The following DNM3 variants were observed in gnomAD, a reference collection of about 807,000 sequenced individuals.
The protein encoded by DNM3 is dynamin 3.
DNM3 carries 47 observed loss-of-function variants against 101.6 expected under a neutral mutation model. The ratio of observed to expected loss-of-function variants is 0.46; its 90% confidence interval spans 0.37 to 0.59. The LOEUF is 0.59. Ranked by LOEUF, DNM3 falls within the 20% of genes least tolerant of loss-of-function variation. The pLI is 0.00. For synonymous variants in DNM3, 385 were observed against 387.9 expected, an observed-to-expected ratio of 0.99 and a Z score of 0.09; for missense variants, 849 against 1,085.7, an observed-to-expected ratio of 0.78 and a Z score of 3.06.
chr1:172,152,807 T>C (rs1366427396), intron 14 of DNM3, among the ~76,000 whole-genome samples: 1 of 152,146 alleles, frequency 6.6e-6, no homozygotes, highest in Non-Finnish European at 1.5e-5. Flanking sequence ...GGACAGAAAC[T>C]GTTTAGAAGG....
At chr1:171,893,032 A>G (rs2037437708) in intron 1 of DNM3, among the ~76,000 whole-genome samples, 1 of 152,086 alleles carries the variant, frequency 6.6e-6, no homozygotes. Context: ...ACTAGAGTAC[A>G]GTGGTTATGT....
At chr1:171,872,491 T>C (rs990538623) in intron 1 of DNM3, among the ~76,000 whole-genome samples, 3 of 152,202 alleles carry the variant, frequency 2.0e-5, no homozygotes, top group Non-Finnish European at 2.9e-5. Flanking sequence ...TTCAAAATAA[T>C]GTACGTAGGA....
intron 15 of DNM3, among the ~76,000 whole-genome samples, chr1:172,289,186 A>G (rs1405606913): frequency 6.6e-6 from 1 of 152,140 alleles, no homozygotes; most frequent in Non-Finnish European, 1.5e-5. Flanking sequence ...TTAGACTATT[A>G]TAATTTCTGA....
intron 13 of DNM3, among the ~76,000 whole-genome samples, chr1:172,117,102 G>A (rs2055958832): frequency 6.6e-6 from 1 of 151,986 alleles, no homozygotes; most frequent in African/African-American, 2.4e-5. Flanking sequence ...CTACTTGGGA[G>A]GCTGAGACAG....
At chr1:171,843,686 C>T (rs2031627655) in intron 1 of DNM3, among the ~76,000 whole-genome samples, 1 of 152,086 alleles carries the variant, frequency 6.6e-6, no homozygotes, top group African/African-American at 2.4e-5. Context: ...TACCACAATT[C>T]TACATTCTAG....
intron 10 of DNM3, among the ~76,000 whole-genome samples, chr1:172,057,325 AT>A (rs1487272835): frequency 6.6e-6 from 1 of 152,198 alleles, no homozygotes; most frequent in Non-Finnish European, 1.5e-5. Flanking sequence ...CAACGCTCAG[AT>A]TCAGGAAATA....
chr1:171,883,124 G>T (rs548544058), intron 1 of DNM3, among the ~76,000 whole-genome samples: 1 of 151,472 alleles, frequency 6.6e-6, no homozygotes, highest in Non-Finnish European at 1.5e-5. Flanking sequence ...ATATTTTCCT[G>T]GCTCCCTAAT....
In DNM3 at chr1:171,921,754, T is replaced by C. The variant is rs2040188539; in HGVS notation, c.168T>C (p.Phe56=). Residue 56 remains phenylalanine, a synonymous_variant, in exon 2 of 21, where the codon TTT becomes TTC. Transcript: ENST00000627582. ...SVLENFVGRD[F]LPRGSGIVTR... ...TATTTCTTACTTTTTTTAGGGACTT[T>C]CTCCCTCGAGGGTCGGGCATTGTAA... 6.3e-7 allele frequency: 1 copy of C among 1,588,948 alleles called. No individual in the cohort carries two copies. The highest frequency in any genetic ancestry group is 1.3e-5 in the African/African-American group (1 of 74,654).
At chr1:172,185,876 G>C (rs1182264114) in intron 14 of DNM3, among the ~76,000 whole-genome samples, 1 of 151,980 alleles carries the variant, frequency 6.6e-6, no homozygotes, top group Non-Finnish European at 1.5e-5. Flanking sequence ...GCCACATTTT[G>C]ACTTTTTTGT....
At chr1:171,876,088 C>T (rs1051758754) in intron 1 of DNM3, among the ~76,000 whole-genome samples, 2 of 152,024 alleles carry the variant, frequency 1.3e-5, no homozygotes, top group Non-Finnish European at 2.9e-5. Context: ...GGATTACAGG[C>T]GTGAGCCACT....
At chr1:172,406,653 T>C (rs1395256382) in intron 20 of DNM3, among the ~76,000 whole-genome samples, 1 of 152,104 alleles carries the variant, frequency 6.6e-6, no homozygotes, top group East Asian at 1.9e-4. Context: ...TTTAATTTTA[T>C]AGTTCCATGA....
chr1:172,008,583 AT>A (rs59449917), intron 4 of DNM3, among the ~76,000 whole-genome samples: 45 of 141,722 alleles, frequency 3.2e-4, no homozygotes, highest in East Asian at 6.1e-4. Flanking sequence ...TAGGTCTGCA[AT>A]TTTTTTTTTT....
chr1:172,135,777 C>A (rs1302728772), intron 14 of DNM3, among the ~76,000 whole-genome samples: 3 of 151,822 alleles, frequency 2.0e-5, no homozygotes, highest in African/African-American at 7.3e-5. Context: ...GATGGCTTTT[C>A]TTTAACTTAT....
intron 17 of DNM3, among the ~76,000 whole-genome samples, chr1:172,335,275 C>T (rs1212333198): frequency 1.3e-5 from 2 of 151,994 alleles, no homozygotes; most frequent in East Asian, 1.9e-4. Context: ...TAGAGTTTTT[C>T]GGGGATAAAG....
chr1:172,146,757 C>T (rs2057920936), intron 14 of DNM3, among the ~76,000 whole-genome samples: 1 of 152,060 alleles, frequency 6.6e-6, no homozygotes, highest in Admixed American at 6.6e-5. Flanking sequence ...CTGCTTCTGC[C>T]ACAGAAAGTG....
intron 16 of DNM3, among the ~76,000 whole-genome samples, chr1:172,322,277 C>T (rs991187478): frequency 1.3e-5 from 2 of 152,162 alleles, no homozygotes; most frequent in African/African-American, 4.8e-5. Flanking sequence ...TTCTAGGTCT[C>T]CACAGATGCA....
chr1:171,844,498 T>G (rs1019718369), intron 1 of DNM3, among the ~76,000 whole-genome samples: 1 of 152,174 alleles, frequency 6.6e-6, no homozygotes, highest in African/African-American at 2.4e-5. Flanking sequence ...TTATATTGAG[T>G]TTTTTTGGAC....
chr1:171,861,148 T>G (rs951217179), intron 1 of DNM3, among the ~76,000 whole-genome samples: 10 of 152,122 alleles, frequency 6.6e-5, no homozygotes, highest in African/African-American at 2.4e-4. Flanking sequence ...CTTGAAGACT[T>G]AAGTGTTAAA....
chr1:172,407,845 A>G lies in DNM3; in HGVS notation c.*4A>G, dbSNP rs1374066978. On this transcript the variant is annotated 3_prime_UTR_variant, in exon 21 of 21. Coordinates refer to ENST00000627582, the MANE Select transcript of DNM3 (RefSeq NM_015569.5). ...AGAATCCTCCCTGTTAGACTAAACG[A>G]AGTGTCTGGCATGGCAATTAATCAC... is the stretch of plus-strand genomic sequence containing the variant. 6.2e-7 allele frequency: 1 copy of G among 1,613,128 alleles called. No homozygotes were observed. Among genetic ancestry groups the G allele is most frequent in the Non-Finnish European group, 8.5e-7 (1 of 1,179,230 alleles).
Sources: allele counts gnomAD v4.1 joint callset (sites outside exome capture counted in the v4.1 genomes callset), GRCh38; gene constraint gnomAD v4.1.1; transcripts MANE v1.5; gene names NCBI Gene and HGNC (gene_info 2026-07-23, HGNC 2026-07-21).